FGD4: variants seen among roughly 807,000 people sequenced by gnomAD.
FGD4 encodes the protein FYVE, RhoGEF and PH domain-containing protein 4.
In FGD4, 42 loss-of-function variants were observed where a neutral mutation model predicts 102.0. The ratio of observed to expected loss-of-function variants is 0.41; its 90% CI spans 0.32 to 0.53. The LOEUF is 0.53. FGD4 is among the 20% of genes least tolerant of loss of function. FGD4 has a pLI of 0.21. For synonymous variants in FGD4, 380 were observed against 375.7 expected (o/e 1.01, Z -0.13); for missense variants, 902 against 1,078.2 (o/e 0.84, Z 2.29).
intron 1 of FGD4, among the ~76,000 whole-genome samples, chr12:32,427,530 A>G (rs1469664538): frequency 6.6e-6 from 1 of 152,146 alleles, no homozygotes; most frequent in Non-Finnish European, 1.5e-5. Flanking sequence ...GCTGAGAAGA[A>G]TGTATATTCT....
rs1938793874 is a variant in FGD4 at position 32,506,763 on chromosome 12, TG to T, written c.167-57373del. On this transcript the variant is annotated intron_variant, in intron 1 of 16. Transcript: ENST00000534526. This position sits in a 1 kb window ranked among gnomAD's most constrained non-coding sequence, Gnocchi z 4.5. The stretch of plus-strand genomic sequence containing the variant: ...TATTGCGATGTGGAGGATATGGCAT[TG>T]AGCACAATGGGCAAGATGTTAGTGA... Among the ~76,000 whole-genome samples the T allele has an allele frequency of 6.6e-6, 1 of 152,158 alleles. No individual in the cohort carries two copies. Among genetic ancestry groups the T allele is most frequent in the Admixed American group, 6.5e-5 (1 of 15,276 alleles).
intron 1 of FGD4, among the ~76,000 whole-genome samples, chr12:32,428,854 T>C (rs926445322): frequency 1.3e-5 from 2 of 152,246 alleles, no homozygotes; most frequent in African/African-American, 4.8e-5. Context: ...AAAGTTCTCA[T>C]GCTGTATTTT....
intron 15 of FGD4, among the ~76,000 whole-genome samples, chr12:32,635,113 A>G (rs1250068226): frequency 6.6e-6 from 1 of 152,238 alleles, no homozygotes; most frequent in Non-Finnish European, 1.5e-5. Flanking sequence ...AAAGGGTTAC[A>G]AACTTCAAGG....
At chr12:32,539,864 A>T (rs1451052384) in intron 1 of FGD4, among the ~76,000 whole-genome samples, 3 of 152,188 alleles carry the variant, frequency 2.0e-5, no homozygotes, top group Non-Finnish European at 2.9e-5. Context: ...AGCAAAAAGA[A>T]ATTATACAAA....
At chr12:32,469,812 A>C (rs1318768831) in intron 1 of FGD4, among the ~76,000 whole-genome samples, 1 of 151,792 alleles carries the variant, frequency 6.6e-6, no homozygotes, top group Non-Finnish European at 1.5e-5. Flanking sequence ...GGCATGCGGC[A>C]CCATGCCTGG....
intron 1 of FGD4, among the ~76,000 whole-genome samples, chr12:32,427,837 G>C (rs1941900181): frequency 6.6e-6 from 1 of 152,012 alleles, no homozygotes; most frequent in South Asian, 2.1e-4. Context: ...TGTCTCTCTT[G>C]ATCTTTGTTG....
At chr12:32,592,618 G>C (rs1324336539) in intron 4 of FGD4, among the ~76,000 whole-genome samples, 1 of 151,878 alleles carries the variant, frequency 6.6e-6, no homozygotes, top group African/African-American at 2.4e-5. Flanking sequence ...TCAGGCTATA[G>C]CCCCAATGTA....
intron 1 of FGD4, among the ~76,000 whole-genome samples, chr12:32,507,616 C>A (rs187759796): frequency 1.3e-5 from 2 of 152,276 alleles, no homozygotes; most frequent in Admixed American, 1.3e-4. Context: ...TTTTCAAAGT[C>A]ACAGTTTATT....
intron 1 of FGD4, among the ~76,000 whole-genome samples, chr12:32,540,566 C>CTTTT (rs528437420): frequency 7.3e-6 from 1 of 136,410 alleles, no homozygotes; most frequent in African/African-American, 2.7e-5. Context: ...TCTTTCTTTT[C>CTTTT]TTTTTTTTTT....
intron 1 of FGD4, among the ~76,000 whole-genome samples, chr12:32,498,689 T>G (rs1204272402): frequency 6.6e-6 from 1 of 152,140 alleles, no homozygotes; most frequent in African/African-American, 2.4e-5. Flanking sequence ...CTGCAACCAC[T>G]GCCTCCTGGG....
intron 1 of FGD4, among the ~76,000 whole-genome samples, chr12:32,426,974 G>C (rs1460614424): frequency 6.7e-6 from 1 of 149,834 alleles, no homozygotes; most frequent in Non-Finnish European, 1.5e-5. Flanking sequence ...TCTTAGTCTG[G>C]CTAGTGGTCT....
intron 1 of FGD4, among the ~76,000 whole-genome samples, chr12:32,401,160 T>G (rs1940646162): frequency 6.6e-6 from 1 of 152,226 alleles, no homozygotes. Context: ...TGAAAATGAT[T>G]TACTTTGGAT....
At chr12:32,510,676 T>G (rs1939268966) in intron 1 of FGD4, among the ~76,000 whole-genome samples, 1 of 152,214 alleles carries the variant, frequency 6.6e-6, no homozygotes, top group African/African-American at 2.4e-5. Flanking sequence ...AGGATGAATT[T>G]CCTAGTAATT....
intron 2 of FGD4, among the ~76,000 whole-genome samples, chr12:32,565,225 A>G (rs556169754): frequency 9.2e-5 from 14 of 152,326 alleles, no homozygotes; most frequent in African/African-American, 2.4e-4. Flanking sequence ...TCTGAAAGAA[A>G]ATTTTAGAAC....
At chr12:32,518,972 G>A (rs1414997383) in intron 1 of FGD4, among the ~76,000 whole-genome samples, 2 of 151,698 alleles carry the variant, frequency 1.3e-5, no homozygotes, top group Admixed American at 1.3e-4. Context: ...AAAATTAGCC[G>A]GGTGTGGTGG....
At chr12:32,422,013 G>A (rs902415866) in intron 1 of FGD4, among the ~76,000 whole-genome samples, 18 of 151,090 alleles carry the variant, frequency 1.2e-4, no homozygotes, top group Non-Finnish European at 2.2e-4. Flanking sequence ...GTGTGGTGGC[G>A]GGCACCTGTA....
chr12:32,476,294 G>A (rs1340105824), intron 1 of FGD4, among the ~76,000 whole-genome samples: 1 of 152,016 alleles, frequency 6.6e-6, no homozygotes, highest in African/African-American at 2.4e-5. Flanking sequence ...ATCTATTGTT[G>A]CATAATTAAT....
At chr12:32,573,342 G>A (rs1022214139) in intron 2 of FGD4, among the ~76,000 whole-genome samples, 17 of 151,568 alleles carry the variant, frequency 1.1e-4, no homozygotes, top group African/African-American at 4.1e-4. Flanking sequence ...TGATCCGCCC[G>A]CCTTGGCCTC....
intron 3 of FGD4, among the ~76,000 whole-genome samples, chr12:32,578,488 A>G (rs1404918796): frequency 6.6e-6 from 1 of 152,180 alleles, no homozygotes; most frequent in Non-Finnish European, 1.5e-5. Context: ...AAGAACCAAC[A>G]TCTGTTAGAG....
Sources: gnomAD v4.1 joint callset for allele counts (sites outside exome capture counted in the v4.1 genomes callset) on GRCh38, gnomAD v4.1.1 for gene constraint, Gnocchi (gnomAD v3.1) non-coding constraint, MANE v1.5 for transcripts, NCBI Gene and HGNC (gene_info 2026-07-23, HGNC 2026-07-21) for gene names.